The following ZNF581 variants were observed in gnomAD, a reference collection of about 807,000 sequenced individuals.
The protein encoded by ZNF581 is zinc finger protein 581.
A neutral mutation model predicts 1.2 loss-of-function variants in ZNF581; 1 was observed. The observed-to-expected ratio is 0.83, with a 90% CI of 0.30 to 3.95. ZNF581 has a LOEUF of 3.95. ZNF581 is among the 30% of genes most tolerant of loss of function. The probability of loss-of-function intolerance (pLI) is 0.18; values close to 1 mark genes in which losing one functional copy is unlikely to be tolerated. For synonymous variants in ZNF581, 105 were observed against 109.2 expected (o/e 0.96, Z 0.24); for missense variants, 273 against 274.6 (o/e 0.99, Z 0.04).
chr19:55,637,290 C>A (rs1982148094), upstream of ZNF581, among the ~76,000 whole-genome samples: 1 of 152,096 alleles, frequency 6.6e-6, no homozygotes, highest in African/African-American at 2.4e-5. Flanking sequence ...AATCCCAGGA[C>A]TTTGGGAGGC....
chr19:55,638,643 A>G (rs954743119), upstream of ZNF581, among the ~76,000 whole-genome samples: 6 of 152,046 alleles, frequency 3.9e-5, no homozygotes, highest in African/African-American at 9.7e-5. Flanking sequence ...CCATGATCCA[A>G]ATGCCTCCCA....
chr19:55,642,929 ACGCACCGCGCC>A, upstream of ZNF581: 1 of 1,482,104 alleles, frequency 6.7e-7, no homozygotes, highest in Non-Finnish European at 8.9e-7. Context: ...GCATCGCGCC[ACGCACCGCGCC>A]CGCGCCGGGC....
In ZNF581 at chr19:55,644,469, G is replaced by C. The variant is rs900527864; in HGVS notation, c.-19-84G>C. ...GCAGGATGCAGAGGTCCTGGGCCGG[G>C]TATAGGGAGGGAAAAGGATGGAGCC... On this transcript the variant is annotated intron_variant, in intron 1 of 1. Transcript: ENST00000270451. The surrounding 1 kb of genome is among the most constrained non-coding windows in gnomAD (Gnocchi z 4.3). The C allele has an allele frequency of 6.9e-6, 6 of 865,082 alleles. No homozygotes were observed. The highest frequency in any genetic ancestry group is 1.7e-5 in the African/African-American group (1 of 58,722). The allele number at this position is 865,082 out of a possible 1,614,324, so 53.6% of individuals were successfully genotyped here.
At chr19:55,635,809 A>G (rs1372783018) in intron 1 of ZNF581, 1 of 803,070 alleles carries the variant, frequency 1.2e-6, no homozygotes, top group Non-Finnish European at 1.5e-6. Context: ...GAGGATTTTA[A>G]AAAGAGGAGC....
chr19:55,640,854 G>C, upstream of ZNF581: 1 of 985,526 alleles, frequency 1.0e-6, no homozygotes, highest in Non-Finnish European at 1.2e-6. Flanking sequence ...GGAGGTGGGA[G>C]GGGAGCGGGG....
At position 55,644,631 on chromosome 19, in the gene ZNF581, G is replaced by A; in HGVS notation, c.60G>A (p.Met20Ile). Residue 20 changes from methionine to isoleucine, a missense_variant, in exon 2 of 2, where the codon ATG (methionine) becomes ATA (isoleucine). Physicochemically the swap from Met to Ile is conservative, Grantham distance 10. Coordinates refer to ENST00000270451, the MANE Select transcript of ZNF581 (RefSeq NM_016535.4). The surrounding 1 kb of genome is among the most constrained non-coding windows in gnomAD (Gnocchi z 4.3). ...QPLAFSSVET[M>I]EGPPRRTCRS... Reference sequence around the variant, plus strand: ...TGGCATTTTCCTCCGTTGAGACCATGGAGGGCCCTCCCCGTCGGACTTGCC... The same window carrying A: ...TGGCATTTTCCTCCGTTGAGACCATAGAGGGCCCTCCCCGTCGGACTTGCC... The A allele has an allele frequency of 6.2e-7, 1 of 1,610,602 alleles. No individual in the cohort carries two copies. The highest frequency in any genetic ancestry group is 1.3e-5 in the African/African-American group (1 of 74,930).
chr19:55,636,764 A>G (rs931753157), upstream of ZNF581, among the ~76,000 whole-genome samples: 2 of 152,138 alleles, frequency 1.3e-5, no homozygotes, highest in African/African-American at 4.8e-5. Context: ...CGGTCACTAA[A>G]AGCTGCTATG....
upstream of ZNF581, chr19:55,642,463 C>A (rs748293905): frequency 7.2e-7 from 1 of 1,397,890 alleles, no homozygotes; most frequent in Admixed American, 2.9e-5. Flanking sequence ...AAGGAAGTGG[C>A]AATTTTAACT....
At chr19:55,642,796 G>C (rs368278674), upstream of ZNF581, 502 of 1,562,378 alleles carry the variant, frequency 3.2e-4, 5 homozygotes, top group South Asian at 5.4e-3. Flanking sequence ...GCTGCCCGGA[G>C]TGCGCCCGTG....
upstream of ZNF581, among the ~76,000 whole-genome samples, chr19:55,636,497 T>A (rs1363561189): frequency 6.6e-6 from 1 of 152,152 alleles, no homozygotes; most frequent in Non-Finnish European, 1.5e-5. Flanking sequence ...AATGCTTCAC[T>A]TTTGGATGGG....
chr19:55,635,809 A>T (rs1372783018), intron 1 of ZNF581: 1 of 802,952 alleles, frequency 1.2e-6, no homozygotes, highest in African/African-American at 1.9e-5. Context: ...GAGGATTTTA[A>T]AAAGAGGAGC....
At position 55,643,650 on chromosome 19, in the gene ZNF581, T is replaced by G. The variant is rs1016240035; in HGVS notation, c.-144T>G. On this transcript the variant is annotated 5_prime_UTR_variant, in exon 1 of 2. Coordinates refer to ENST00000270451, the MANE Select transcript of ZNF581 (RefSeq NM_016535.4). ...CCCTCTTCTCTCCCTTCGGCTTCTC[T>G]CTTTCGGCCGGCGCCGCCAGTTCCT... 1 of 152,420 alleles carries G rather than the reference T, an allele frequency of 6.6e-6. No homozygotes were observed. Among genetic ancestry groups the G allele is most frequent in the East Asian group, 1.9e-4 (1 of 5,182 alleles). 9.4% of individuals were successfully genotyped at this position (152,420 alleles called of 1,614,324 possible).
At chr19:55,637,520 G>A (rs1982162219), upstream of ZNF581, among the ~76,000 whole-genome samples, 1 of 152,106 alleles carries the variant, frequency 6.6e-6, no homozygotes, top group African/African-American at 2.4e-5. Flanking sequence ...CTGGGCGACA[G>A]AGTGAGACTC....
upstream of ZNF581, among the ~76,000 whole-genome samples, chr19:55,638,097 G>A (rs1982201871): frequency 6.6e-6 from 1 of 152,194 alleles, no homozygotes; most frequent in African/African-American, 2.4e-5. Context: ...GGTTCTGCAG[G>A]CTATACAGGA....
At chr19:55,639,733 C>T (rs1198977718), upstream of ZNF581, among the ~76,000 whole-genome samples, 1 of 152,180 alleles carries the variant, frequency 6.6e-6, no homozygotes, top group Non-Finnish European at 1.5e-5. Flanking sequence ...TCTCCTGCCT[C>T]AGCCTCCCAA....
upstream of ZNF581, among the ~76,000 whole-genome samples, chr19:55,637,866 C>T (rs374994640): frequency 6.6e-6 from 1 of 152,110 alleles, no homozygotes; most frequent in Non-Finnish European, 1.5e-5. Flanking sequence ...GGATGCTGTG[C>T]GTTTAGCAAT....
chr19:55,635,986 G>A (rs183816065), intron 1 of ZNF581, among the ~76,000 whole-genome samples: 23 of 152,298 alleles, frequency 1.5e-4, no homozygotes, highest in African/African-American at 1.9e-4. Flanking sequence ...GTAAATTCAA[G>A]GTCTGGCCAG....
chr19:55,638,383 C>T (rs1005462197), upstream of ZNF581, among the ~76,000 whole-genome samples: 21 of 152,050 alleles, frequency 1.4e-4, no homozygotes, highest in African/African-American at 3.9e-4. Context: ...GGACTACAGG[C>T]GCCTGCCACC....
upstream of ZNF581, chr19:55,640,085 C>T (rs912208649): frequency 2.0e-6 from 2 of 977,576 alleles, no homozygotes; most frequent in African/African-American, 1.8e-5. Context: ...GGTCTTGGGG[C>T]TCGCTGTGAC....
Sources: allele counts gnomAD v4.1 joint callset (sites outside exome capture counted in the v4.1 genomes callset), GRCh38; gene constraint gnomAD v4.1.1; non-coding constraint Gnocchi (gnomAD v3.1); transcripts MANE v1.5; gene names NCBI Gene and HGNC (gene_info 2026-07-23, HGNC 2026-07-21).